Variants in CDKL2 observed in about 807,000 individuals in gnomAD.
The protein encoded by CDKL2 is cyclin dependent kinase like 2, also known as cyclin-dependent kinase-like 2.
A neutral mutation model predicts 63.9 loss-of-function variants in CDKL2; 64 were observed. The ratio of observed to expected loss-of-function variants is 1.00; its 90% CI spans 0.82 to 1.23. CDKL2 has a LOEUF of 1.23. Among genes scored for constraint, CDKL2 ranks in the 50% most tolerant of loss-of-function variants. CDKL2 has a pLI of 0.00. For missense variants in CDKL2, 656 were observed against 668.0 expected (o/e 0.98, Z 0.20); for synonymous variants, 211 against 229.2 (o/e 0.92, Z 0.72).
intron 6 of CDKL2, among the ~76,000 whole-genome samples, chr4:75,601,980 C>A (rs1729207448): frequency 6.6e-6 from 1 of 152,068 alleles, no homozygotes. Flanking sequence ...GCTAAAAATT[C>A]CCCAAAAAGG....
At chr4:75,589,174 T>C (rs1419298066) in intron 12 of CDKL2, among the ~76,000 whole-genome samples, 1 of 152,116 alleles carries the variant, frequency 6.6e-6, no homozygotes, top group Admixed American at 6.6e-5. Context: ...TTCACACCTA[T>C]TAGAAAGGCT....
At chr4:75,607,822 T>G (rs868663169) in intron 3 of CDKL2, among the ~76,000 whole-genome samples, 1 of 151,452 alleles carries the variant, frequency 6.6e-6, no homozygotes, top group Admixed American at 6.6e-5. Flanking sequence ...GAAAAAAAAA[T>G]TTTTTTTTGA....
intron 3 of CDKL2, 36 bp from the exon 4 acceptor site, chr4:75,607,397 AAATT>A (rs1266878770): frequency 6.4e-7 from 1 of 1,556,480 alleles, no homozygotes; most frequent in East Asian, 2.2e-5. Context: ...ATGTTAAATA[AAATT>A]AATTATTTTG....
intron 12 of CDKL2, among the ~76,000 whole-genome samples, chr4:75,591,397 G>C (rs1218847981): frequency 1.3e-5 from 2 of 152,130 alleles, no homozygotes; most frequent in African/African-American, 2.4e-5. Context: ...GGAGTTTTGA[G>C]ACCAGCCCAG....
intron 7 of CDKL2, among the ~76,000 whole-genome samples, chr4:75,599,310 C>T (rs1729073146): frequency 6.6e-6 from 1 of 151,968 alleles, no homozygotes; most frequent in Admixed American, 6.6e-5. Flanking sequence ...GCCTGTAATC[C>T]CAGCACTTTA....
intron 2 of CDKL2, among the ~76,000 whole-genome samples, chr4:75,618,239 CTTTTTTTTTT>C (rs56002333): frequency 0.015 from 777 of 52,894 alleles, 1 homozygote; most frequent in Middle Eastern, 0.025. Context: ...ATTGAAAATT[CTTTTTTTTTT>C]TTTTTTTTTT....
intron 12 of CDKL2, among the ~76,000 whole-genome samples, chr4:75,585,645 G>A (rs1176453250): frequency 1.3e-5 from 2 of 152,032 alleles, no homozygotes; most frequent in African/African-American, 4.8e-5. Flanking sequence ...TACAGGCCAG[G>A]TATGGTGGCT....
Position 75,598,059 on chromosome 4 carries a change from T to C in CDKL2, c.1020+18A>G. The C allele has an allele frequency of 6.9e-7, 1 of 1,444,688 alleles. No homozygotes were observed. The highest frequency in any genetic ancestry group is 9.3e-7 in the Non-Finnish European group (1 of 1,073,748). The allele number at this position is 1,444,688 out of a possible 1,614,324, so 89.5% of individuals were successfully genotyped here. A position where few individuals can be genotyped will look rare whatever the true frequency, so the allele number is the denominator to read the frequency against. On this transcript the variant is annotated intron_variant, in intron 8 of 13. Transcript: ENST00000307465. ...AAATAAGTATATTAAATCTAAAATG[T>C]GAAACATGAACATTTACCTGTACCA...
rs773261783 is a variant in CDKL2, at chr4:75,616,209, T to TG, written c.169-1761dup. 1.6e-4 allele frequency among the ~76,000 whole-genome samples: 24 copies of TG among 150,016 alleles called. No individual in the cohort carries two copies. The East Asian group carries it at 3.8e-3, about 24-fold the overall frequency. ...ATCCCAGCGCTTTGGGAGGCTGAAG[T>TG]GGAGGGATAGCTTGAGGCCAGGAAT... On this transcript the variant is annotated intron_variant, in intron 2 of 13. Coordinates refer to ENST00000307465, the MANE Select transcript of CDKL2 (RefSeq NM_001330724.2).
intron 7 of CDKL2, among the ~76,000 whole-genome samples, chr4:75,599,300 G>A (rs1176878658): frequency 2.0e-5 from 3 of 152,064 alleles, no homozygotes; most frequent in Non-Finnish European, 2.9e-5. Flanking sequence ...GGTGGCTCAT[G>A]CCTGTAATCC....
chr4:75,609,086 G>A (rs1729559922), intron 3 of CDKL2, among the ~76,000 whole-genome samples: 1 of 151,892 alleles, frequency 6.6e-6, no homozygotes, highest in South Asian at 2.1e-4. Flanking sequence ...GAATTTAAAA[G>A]AATGGTGGTT....
intron 2 of CDKL2, among the ~76,000 whole-genome samples, chr4:75,616,532 G>A (rs1053125788): frequency 4.6e-5 from 7 of 151,526 alleles, no homozygotes; most frequent in Non-Finnish European, 1.0e-4. Flanking sequence ...AGGCGTGGTG[G>A]CATGCCTGGC....
chr4:75,593,465 T>C (rs962715900), intron 10 of CDKL2, among the ~76,000 whole-genome samples: 2 of 152,062 alleles, frequency 1.3e-5, no homozygotes, highest in Non-Finnish European at 2.9e-5. Context: ...AAGACTCCAC[T>C]GGGTCTTCAC....
rs1341057627 is a variant in CDKL2 at position 75,579,063 on chromosome 4, C to T, written c.*139G>A. 5 of 152,534 alleles carry T rather than the reference C, an allele frequency of 3.3e-5. No homozygotes were observed. The allele number at this position is 152,534 out of a possible 1,614,324, so 9.4% of individuals were successfully genotyped here. ...TTTGTCTTTCCTTCTTCTAGAAGGCCTTCCTCAGAAAATGCAGGCAGTTCA... is the reference window on the plus strand; with the variant it reads ...TTTGTCTTTCCTTCTTCTAGAAGGCTTTCCTCAGAAAATGCAGGCAGTTCA... On this transcript the variant is annotated 3_prime_UTR_variant, in exon 14 of 14. Coordinates refer to ENST00000307465, the MANE Select transcript of CDKL2 (RefSeq NM_001330724.2).
At chr4:75,588,860 G>A (rs587764418) in intron 12 of CDKL2, among the ~76,000 whole-genome samples, 38 of 63,896 alleles carry the variant, frequency 5.9e-4, no homozygotes, top group African/African-American at 2.5e-3. Context: ...GTGCCAGATA[G>A]CAAGGAATTC....
chr4:75,623,571 C>G (rs1730266008), intron 2 of CDKL2, among the ~76,000 whole-genome samples: 2 of 151,796 alleles, frequency 1.3e-5, no homozygotes, highest in African/African-American at 4.8e-5. Context: ...CACTAAAAGA[C>G]AGAAACACAA....
chr4:75,585,265 C>A (rs1473978754), intron 12 of CDKL2, among the ~76,000 whole-genome samples: 1 of 151,968 alleles, frequency 6.6e-6, no homozygotes, highest in East Asian at 1.9e-4. Flanking sequence ...GTGCAAATAC[C>A]TAATAATAGA....
intron 2 of CDKL2, among the ~76,000 whole-genome samples, chr4:75,618,239 CTTTTTTTTTTTTTTT>C (rs56002333): frequency 1.9e-5 from 1 of 52,946 alleles, no homozygotes. Context: ...ATTGAAAATT[CTTTTTTTTTTTTTTT>C]TTTTTTTTTT....
intron 1 of CDKL2, among the ~76,000 whole-genome samples, chr4:75,626,462 T>C (rs777561156): frequency 5.1e-4 from 77 of 151,918 alleles, no homozygotes; most frequent in East Asian, 2.9e-3. Context: ...GTCGGGAGAT[T>C]GAGACCATCC....
Sources: allele counts gnomAD v4.1 joint callset (sites outside exome capture counted in the v4.1 genomes callset), GRCh38; gene constraint gnomAD v4.1.1; transcripts MANE v1.5; gene names NCBI Gene and HGNC (gene_info 2026-07-23, HGNC 2026-07-21).